Variants in CTNNA3 observed in about 807,000 individuals in gnomAD.
The protein encoded by CTNNA3 is catenin alpha 3.
Under a neutral mutation model 95.7 loss-of-function variants are expected in CTNNA3, and 76 were observed. That is an observed-to-expected ratio of 0.79 (90% CI 0.66 to 0.96). CTNNA3 has a LOEUF of 0.96. Ranked by LOEUF, CTNNA3 falls within the 40% of genes least tolerant of loss-of-function variation. The pLI is 0.00. For synonymous variants in CTNNA3, 431 were observed against 374.4 expected, an observed-to-expected ratio of 1.15 and a Z score of -1.74; for missense variants, 1,191 against 1,089.8, an observed-to-expected ratio of 1.09 and a Z score of -1.31.
chr10:66,226,994 T>C (rs779702897), intron 13 of CTNNA3, among the ~76,000 whole-genome samples: 6 of 152,102 alleles, frequency 3.9e-5, no homozygotes, highest in Non-Finnish European at 5.9e-5. Flanking sequence ...TCATGTCATC[T>C]CCATATAGGG....
intron 8 of CTNNA3, among the ~76,000 whole-genome samples, chr10:66,775,124 C>T (rs954278658): frequency 6.6e-6 from 1 of 152,074 alleles, no homozygotes; most frequent in African/African-American, 2.4e-5. Context: ...AGCCCTATTG[C>T]ATATTATTAA....
chr10:66,867,092 G>GC (rs777254602), intron 7 of CTNNA3, among the ~76,000 whole-genome samples: 1 of 150,600 alleles, frequency 6.6e-6, no homozygotes, highest in Non-Finnish European at 1.5e-5. Flanking sequence ...AGCCTCCCTG[G>GC]CCACGTGGAA....
At chr10:67,003,716 C>T (rs1162022702) in intron 7 of CTNNA3, among the ~76,000 whole-genome samples, 1 of 152,174 alleles carries the variant, frequency 6.6e-6, no homozygotes, top group Non-Finnish European at 1.5e-5. Flanking sequence ...CAGAATTTGA[C>T]TGCCCAGGTC....
intron 13 of CTNNA3, among the ~76,000 whole-genome samples, chr10:66,227,229 A>G (rs2131997669): frequency 6.6e-6 from 1 of 152,266 alleles, no homozygotes; most frequent in South Asian, 2.1e-4. Flanking sequence ...GTTAAATAAG[A>G]GTGGTGAAAG....
At chr10:67,239,049 T>A (rs759074892) in intron 5 of CTNNA3, among the ~76,000 whole-genome samples, 3 of 152,184 alleles carry the variant, frequency 2.0e-5, no homozygotes, top group Non-Finnish European at 4.4e-5. Flanking sequence ...AGAGTTTGAA[T>A]AAATTTATGC....
chr10:67,182,139 C>T (rs1460870505), intron 6 of CTNNA3, among the ~76,000 whole-genome samples: 1 of 152,088 alleles, frequency 6.6e-6, no homozygotes, highest in African/African-American at 2.4e-5. Context: ...AGATTCAATG[C>T]CATCCCCATC....
In CTNNA3 at chr10:66,238,164, T is replaced by C. The variant is rs535068630; in HGVS notation, c.1884+42306A>G. Among the ~76,000 whole-genome samples the C allele has an allele frequency of 1.1e-4, 16 of 152,110 alleles. No homozygotes were observed. The East Asian group carries it at 2.9e-3, about 28-fold the overall frequency. ...TAGTTTTTGCTTTTTATTCTTTTAA[T>C]TGGGGAAGCAAAAGTGATGAAATTT... On this transcript the variant is annotated intron_variant, in intron 13 of 17. Coordinates refer to ENST00000433211, the MANE Select transcript of CTNNA3 (RefSeq NM_013266.4).
At chr10:66,271,140 C>T (rs1011560718) in intron 13 of CTNNA3, among the ~76,000 whole-genome samples, 4 of 152,130 alleles carry the variant, frequency 2.6e-5, no homozygotes, top group African/African-American at 9.7e-5. Flanking sequence ...TCAAGTGCCT[C>T]TATTCACTTA....
chr10:66,361,589 G>A (rs533056101), intron 12 of CTNNA3, among the ~76,000 whole-genome samples: 159 of 150,368 alleles, frequency 1.1e-3, no homozygotes, highest in African/African-American at 3.8e-3. Context: ...CCTGGCTGGA[G>A]TGGAGTGGCA....
chr10:66,057,850 C>A (rs969779962), intron 15 of CTNNA3, among the ~76,000 whole-genome samples: 1 of 152,034 alleles, frequency 6.6e-6, no homozygotes, highest in Non-Finnish European at 1.5e-5. Context: ...TGTAAATAAT[C>A]CTCTTATCCC....
intron 9 of CTNNA3, among the ~76,000 whole-genome samples, chr10:66,712,152 A>C (rs544496868): frequency 6.6e-6 from 1 of 152,276 alleles, no homozygotes; most frequent in African/African-American, 2.4e-5. Context: ...ATGTGCTGCA[A>C]ATCTTAGAAA....
intron 10 of CTNNA3, among the ~76,000 whole-genome samples, chr10:66,556,911 G>A (rs1842408139): frequency 6.6e-6 from 1 of 152,002 alleles, no homozygotes; most frequent in South Asian, 2.1e-4. Flanking sequence ...TGAAGAGAAA[G>A]ATCTGTTAAT....
intron 7 of CTNNA3, among the ~76,000 whole-genome samples, chr10:66,800,585 T>G (rs970762970): frequency 2.6e-5 from 4 of 151,014 alleles, no homozygotes; most frequent in Non-Finnish European, 5.9e-5. Context: ...ATATAGAAAT[T>G]TTCAAATATT....
chr10:66,353,415 G>A (rs899680824), intron 12 of CTNNA3, among the ~76,000 whole-genome samples: 3 of 152,036 alleles, frequency 2.0e-5, no homozygotes, highest in African/African-American at 7.2e-5. Flanking sequence ...TGTTGGATGC[G>A]CAGCTCACTG....
chr10:67,022,847 A>AGAAT (rs1164523791), intron 7 of CTNNA3, among the ~76,000 whole-genome samples: 1 of 152,164 alleles, frequency 6.6e-6, no homozygotes, highest in African/African-American at 2.4e-5. Flanking sequence ...CTGAGGCAGG[A>AGAAT]GAATAGCTTG....
rs573099779 is a variant in CTNNA3, at chr10:66,246,255, G to A, written c.1884+34215C>T. Among the ~76,000 whole-genome samples the A allele has an allele frequency of 3.9e-5, 6 of 152,248 alleles. No homozygotes were observed. The South Asian group carries it at 1.2e-3, about 32-fold the overall frequency. On this transcript the variant is annotated intron_variant, in intron 13 of 17. Coordinates refer to ENST00000433211, the MANE Select transcript of CTNNA3 (RefSeq NM_013266.4). ...TGAGAGGGCAGGGGGGCCTTCCTGG[G>A]ACCCCAAGAGTGCAGGGATGTCTAA...
chr10:66,537,576 TATAAATAAATTGTTATA>T (rs1841704642), intron 10 of CTNNA3, among the ~76,000 whole-genome samples: 1 of 149,250 alleles, frequency 6.7e-6, no homozygotes, highest in Non-Finnish European at 1.5e-5. Context: ...TTATAATAAT[TATAAATAAATTGTTATA>T]ATTTTATTTT....
In CTNNA3 at chr10:67,049,813, T is replaced by C. The variant is rs144674541; in HGVS notation, c.1047+130504A>G. On this transcript the variant is annotated intron_variant, in intron 7 of 17. Transcript: ENST00000433211. ...ACAAAGGTCAAAGATTAAATGTAGG[T>C]ATGTGCATGTGTTTTATATATATTA... is the stretch of plus-strand genomic sequence containing the variant. 2.7e-3 allele frequency among the ~76,000 whole-genome samples: 416 copies of C among 152,280 alleles called. 1 individual carries two copies. Among genetic ancestry groups the C allele is most frequent in the Non-Finnish European group, 3.7e-3 (251 of 68,008 alleles).
chr10:65,996,306 C>T lies in CTNNA3; in HGVS notation c.2160-7509G>A, dbSNP rs759084847. ...TCTGGGGAGCACATGCTTTGGCTCC[C>T]TTTGTCCCAGGGGCACCTTGCTTTG... On this transcript the variant is annotated intron_variant, in intron 15 of 17. Transcript: ENST00000433211. 3.9e-5 allele frequency among the ~76,000 whole-genome samples: 6 copies of T among 152,146 alleles called. No homozygotes were observed. In the East Asian group the frequency reaches 9.7e-4, roughly 25 times the overall value.
Sources: gnomAD v4.1 joint callset for allele counts (sites outside exome capture counted in the v4.1 genomes callset) on GRCh38, gnomAD v4.1.1 for gene constraint, MANE v1.5 for transcripts, NCBI Gene and HGNC (gene_info 2026-07-23, HGNC 2026-07-21) for gene names.